The following NDUFA5 variants were observed in gnomAD, a reference collection of about 807,000 sequenced individuals.
NDUFA5 encodes NADH:ubiquinone oxidoreductase subunit A5.
NDUFA5 carries 11 observed loss-of-function variants against 19.8 expected under a neutral mutation model. The observed-to-expected ratio is 0.56, with a 90% CI of 0.35 to 0.92. NDUFA5 has a LOEUF of 0.92. Among genes scored for constraint, NDUFA5 ranks in the 40% least tolerant of loss-of-function variants. NDUFA5 has a pLI of 0.01. For synonymous variants in NDUFA5, 47 were observed against 46.8 expected, an observed-to-expected ratio of 1.00 and a Z score of -0.01; for missense variants, 109 against 134.2, an observed-to-expected ratio of 0.81 and a Z score of 0.93.
At chr7:123,565,742 G>A in the NDUFA5 span, among the ~76,000 whole-genome samples, 17 of 152,268 alleles carry the variant, frequency 1.1e-4, no homozygotes, top group South Asian at 1.9e-3. Flanking sequence ...TTAGCCGGGC[G>A]CAGTGGCTCA....
chr7:123,568,783 G>A, the NDUFA5 span, among the ~76,000 whole-genome samples: 1 of 151,678 alleles, frequency 6.6e-6, no homozygotes, highest in African/African-American at 2.4e-5. Flanking sequence ...TCAACAAAAT[G>A]GTAACAAAAC....
At chr7:123,599,755 A>G in the NDUFA5 span, among the ~76,000 whole-genome samples, 1 of 152,188 alleles carries the variant, frequency 6.6e-6, no homozygotes, top group African/African-American at 2.4e-5. Context: ...CAGTACATGC[A>G]TTTCTTGCTA....
chr7:123,557,742 C>T, intron 1 of NDUFA5, 33 bp downstream of exon 1: 3 of 1,613,652 alleles, frequency 1.9e-6, no homozygotes, highest in Non-Finnish European at 2.5e-6. Context: ...CCCCCACAGT[C>T]TAAATTCCAA....
upstream of NDUFA5, chr7:123,558,147 C>T (rs1473028641): frequency 2.8e-6 from 1 of 358,424 alleles, no homozygotes; most frequent in East Asian, 5.2e-5. Context: ...TGTGCTTAAC[C>T]GTTGATGCAT....
chr7:123,581,979 C>G, the NDUFA5 span, among the ~76,000 whole-genome samples: 2 of 152,112 alleles, frequency 1.3e-5, no homozygotes, highest in East Asian at 3.9e-4. Flanking sequence ...GCCATGAATT[C>G]TGGGGCAGAA....
At chr7:123,552,905 C>A (rs2116164482) in intron 2 of NDUFA5, among the ~76,000 whole-genome samples, 1 of 152,290 alleles carries the variant, frequency 6.6e-6, no homozygotes, top group Non-Finnish European at 1.5e-5. Context: ...CCCCAGCAAG[C>A]CTTTGCTACT....
chr7:123,569,504 A>G, the NDUFA5 span, among the ~76,000 whole-genome samples: 3 of 152,194 alleles, frequency 2.0e-5, no homozygotes, highest in Admixed American at 1.3e-4. Context: ...TGCATTTTTA[A>G]TAGTTAGAGG....
At chr7:123,583,316 C>T in the NDUFA5 span, among the ~76,000 whole-genome samples, 12 of 151,994 alleles carry the variant, frequency 7.9e-5, no homozygotes, top group East Asian at 2.3e-3. Context: ...GGCCTAATTT[C>T]AACATATATC....
the NDUFA5 span, among the ~76,000 whole-genome samples, chr7:123,585,421 T>C: frequency 2.0e-5 from 3 of 151,808 alleles, no homozygotes; most frequent in Non-Finnish European, 4.4e-5. Flanking sequence ...GGAATGCATA[T>C]GCAATATTGC....
At chr7:123,554,952 G>A (rs1000073837) in intron 2 of NDUFA5, 1 of 152,274 alleles carries the variant, frequency 6.6e-6, no homozygotes, top group South Asian at 2.1e-4. Flanking sequence ...AAAGTGCTGG[G>A]ATTACAGGCG....
chr7:123,561,559 G>A (rs1798687697), upstream of NDUFA5, among the ~76,000 whole-genome samples: 1 of 151,972 alleles, frequency 6.6e-6, no homozygotes, highest in Admixed American at 6.6e-5. Flanking sequence ...ATCAACTTTT[G>A]CTAAACTCCT....
chr7:123,594,383 CT>C, the NDUFA5 span, among the ~76,000 whole-genome samples: 1 of 152,110 alleles, frequency 6.6e-6, no homozygotes, highest in African/African-American at 2.4e-5. Context: ...AATTTTCAGC[CT>C]TTCTGCTCTG....
the NDUFA5 span, among the ~76,000 whole-genome samples, chr7:123,585,811 T>C: frequency 2.0e-5 from 3 of 151,816 alleles, no homozygotes; most frequent in Admixed American, 2.0e-4. Context: ...ATTCCACATA[T>C]AAGAGATATC....
chr7:123,554,583 A>G (rs1478765157), intron 2 of NDUFA5: 3 of 152,152 alleles, frequency 2.0e-5, no homozygotes, highest in African/African-American at 7.2e-5. Context: ...AGAGGGTGGT[A>G]CAGTACAGTA....
chr7:123,544,654 ACC>A (rs760360681), intron 4 of NDUFA5, among the ~76,000 whole-genome samples: 39 of 151,758 alleles, frequency 2.6e-4, no homozygotes, highest in African/African-American at 7.5e-4. Context: ...TGTATAAATA[ACC>A]CAGACTAAAT....
the NDUFA5 span, among the ~76,000 whole-genome samples, chr7:123,594,629 A>G: frequency 6.6e-6 from 1 of 152,120 alleles, no homozygotes; most frequent in South Asian, 2.1e-4. Context: ...AACAGCAAAT[A>G]TTGCTGCCTG....
the NDUFA5 span, chr7:123,585,115 T>TA: frequency 5.4e-3 from 825 of 151,926 alleles, 8 homozygotes; most frequent in African/African-American, 0.019. Context: ...CCAATATACG[T>TA]ATGTGTTAGC....
Position 123,557,755 on chromosome 7 carries a change from G to C in NDUFA5, c.21+20C>G. 1.2e-6 allele frequency: 2 copies of C among 1,613,822 alleles called. No homozygotes were observed. The highest frequency in any genetic ancestry group is 1.7e-6 in the Non-Finnish European group (2 of 1,179,952). On this transcript the variant is annotated intron_variant, in intron 1 of 4. Coordinates refer to ENST00000355749, the MANE Select transcript of NDUFA5 (RefSeq NM_005000.5). ...TACCCCCACAGTCTAAATTCCAACA[G>C]TGACCTCCATTCGTCTCACCTTCTT... is the stretch of plus-strand genomic sequence containing the variant.
At chr7:123,547,604 C>T (rs763073515) in intron 3 of NDUFA5, among the ~76,000 whole-genome samples, 1 of 152,014 alleles carries the variant, frequency 6.6e-6, no homozygotes, top group African/African-American at 2.4e-5. Flanking sequence ...ATGTTTAAGA[C>T]AGATTATTTA....
Sources: allele counts gnomAD v4.1 joint callset (sites outside exome capture counted in the v4.1 genomes callset), GRCh38; gene constraint gnomAD v4.1.1; transcripts MANE v1.5; gene names NCBI Gene and HGNC (gene_info 2026-07-23, HGNC 2026-07-21).